Variants in MYO10 observed in about 807,000 individuals in gnomAD.
The protein encoded by MYO10 is unconventional myosin-X.
A neutral mutation model predicts 257.3 loss-of-function variants in MYO10; 133 were observed. The observed-to-expected ratio is 0.52, with a 90% CI of 0.45 to 0.60. The LOEUF (loss-of-function observed/expected upper bound fraction) is 0.60. Ranked by LOEUF, MYO10 falls within the 20% of genes least tolerant of loss-of-function variation. The pLI is 0.00. For synonymous variants in MYO10, 1,104 were observed against 1,028.6 expected (o/e 1.07, Z -1.40); for missense variants, 2,399 against 2,635.7 (o/e 0.91, Z 1.97).
chr5:16,681,074 A>C (rs866402125), intron 32 of MYO10, among the ~76,000 whole-genome samples: 26 of 152,340 alleles, frequency 1.7e-4, no homozygotes, highest in African/African-American at 6.3e-4. Flanking sequence ...GCATCTGTTG[A>C]CATTTTCTTG....
intron 2 of MYO10, among the ~76,000 whole-genome samples, chr5:16,842,041 C>T (rs1743497834): frequency 6.6e-6 from 1 of 152,006 alleles, no homozygotes; most frequent in Admixed American, 6.6e-5. Context: ...GGCAGTTCCA[C>T]ATAATAGGCA....
intron 19 of MYO10, among the ~76,000 whole-genome samples, chr5:16,729,391 A>G (rs980540592): frequency 6.6e-6 from 1 of 152,124 alleles, no homozygotes; most frequent in African/African-American, 2.4e-5. Flanking sequence ...ATAAAATCCA[A>G]ATATTTTTGT....
At chr5:16,772,937 G>C (rs1034738863) in intron 9 of MYO10, among the ~76,000 whole-genome samples, 2 of 152,156 alleles carry the variant, frequency 1.3e-5, no homozygotes, top group Non-Finnish European at 1.5e-5. Flanking sequence ...GATTGCCTGG[G>C]AAGGGGCACA....
chr5:16,760,601 T>A (rs1740681709), intron 17 of MYO10, among the ~76,000 whole-genome samples: 1 of 152,168 alleles, frequency 6.6e-6, no homozygotes, highest in African/African-American at 2.4e-5. Flanking sequence ...AACGAATAAA[T>A]GAATATGTAA....
At chr5:16,830,570 T>C (rs1330617284) in intron 2 of MYO10, among the ~76,000 whole-genome samples, 1 of 152,034 alleles carries the variant, frequency 6.6e-6, no homozygotes, top group Non-Finnish European at 1.5e-5. Flanking sequence ...CAGAAAACAA[T>C]CACTGTATAA....
At chr5:16,686,127 C>G (rs1044375859) in intron 28 of MYO10, among the ~76,000 whole-genome samples, 1 of 149,352 alleles carries the variant, frequency 6.7e-6, no homozygotes, top group Admixed American at 6.7e-5. Flanking sequence ...TGAATGAGTT[C>G]CTTGAGAAAT....
chr5:16,795,333 G>A (rs1259872988), intron 3 of MYO10, among the ~76,000 whole-genome samples: 1 of 152,232 alleles, frequency 6.6e-6, no homozygotes, highest in East Asian at 1.9e-4. Context: ...GCCGGGCCTG[G>A]TGGCTCATGC....
chr5:16,702,497 A>G, intron 24 of MYO10, 46 bp downstream of exon 24: 2 of 1,537,538 alleles, frequency 1.3e-6, no homozygotes, highest in Non-Finnish European at 1.8e-6. Flanking sequence ...TAGAAGTGGG[A>G]AGGAAGTAGA....
chr5:16,726,816 G>A lies in MYO10; in HGVS notation c.1930-15571C>T, dbSNP rs181608066. On this transcript the variant is annotated intron_variant, in intron 19 of 40. Transcript: ENST00000513610. ...GAGATGATACATTTAGTTAGAGTGA[G>A]GGCTTGTAAACCACAGCCTGCCAGC... 6.6e-3 allele frequency among the ~76,000 whole-genome samples: 998 copies of A among 152,282 alleles called. 13 individuals carry two copies. Among genetic ancestry groups the A allele is most frequent in the Non-Finnish European group, 6.6e-3 (447 of 68,032 alleles).
At chr5:16,811,704 C>G (rs1390363920) in intron 3 of MYO10, among the ~76,000 whole-genome samples, 2 of 152,156 alleles carry the variant, frequency 1.3e-5, no homozygotes, top group Non-Finnish European at 2.9e-5. Flanking sequence ...GGCACGCCAC[C>G]ACGGCTGGCT....
intron 2 of MYO10, among the ~76,000 whole-genome samples, chr5:16,839,540 C>G (rs998170633): frequency 6.6e-6 from 1 of 152,012 alleles, no homozygotes; most frequent in Non-Finnish European, 1.5e-5. Flanking sequence ...GCCAGGAGTT[C>G]GAGACCAGCC....
At chr5:16,731,447 G>A (rs1416439338) in intron 19 of MYO10, among the ~76,000 whole-genome samples, 3 of 151,738 alleles carry the variant, frequency 2.0e-5, no homozygotes, top group Non-Finnish European at 2.9e-5. Context: ...AGGTTCAAGC[G>A]ATTCTCCTGC....
intron 12 of MYO10, among the ~76,000 whole-genome samples, 177 bp from the exon 13 acceptor site, chr5:16,763,932 G>A (rs1010424370): frequency 2.6e-5 from 4 of 152,078 alleles, no homozygotes; most frequent in African/African-American, 7.2e-5. Context: ...ATCACCTGAG[G>A]TCGGGAGTCC....
rs562316852 is a variant in MYO10 at position 16,671,278 on chromosome 5, T to C, written c.5430+144A>G. On this transcript the variant is annotated intron_variant, in intron 38 of 40. Transcript: ENST00000513610. ...TAGCAGGTTTCATTCTACAAACGAATGAAAGAGCAGCTGGTCTTGTCTTTG... is the reference window on the plus strand; with the variant it reads ...TAGCAGGTTTCATTCTACAAACGAACGAAAGAGCAGCTGGTCTTGTCTTTG... 5.6e-6 allele frequency: 6 copies of C among 1,074,900 alleles called. No individual in the cohort carries two copies. In the African/African-American group the frequency reaches 9.6e-5, roughly 17 times the overall value. The allele number at this position is 1,074,900 out of a possible 1,614,324, so 66.6% of individuals were successfully genotyped here.
chr5:16,763,348 C>T, intron 14 of MYO10, 133 bp downstream of exon 14: 1 of 716,832 alleles, frequency 1.4e-6, no homozygotes, highest in Non-Finnish European at 2.4e-6. Flanking sequence ...TTTATGTTTC[C>T]AAATGGTCCA....
At chr5:16,918,270 G>A (rs548136786) in intron 1 of MYO10, among the ~76,000 whole-genome samples, 1 of 151,670 alleles carries the variant, frequency 6.6e-6, no homozygotes, top group East Asian at 1.9e-4. Flanking sequence ...CATCTACAAG[G>A]CAGATAGAAG....
chr5:16,669,222 CTTTT>C (rs11292604), intron 39 of MYO10, among the ~76,000 whole-genome samples: 1 of 148,968 alleles, frequency 6.7e-6, no homozygotes, highest in African/African-American at 2.5e-5. Flanking sequence ...TTTCTTTTTT[CTTTT>C]TTTTTTTGAC....
At chr5:16,703,976 C>T (rs556084679) in intron 22 of MYO10, among the ~76,000 whole-genome samples, 238 of 149,580 alleles carry the variant, frequency 1.6e-3, no homozygotes, top group African/African-American at 5.6e-3. Flanking sequence ...CCAAGGTGAA[C>T]AGCCAGGCCG....
chr5:16,844,449 T>C (rs1232437239), intron 2 of MYO10, among the ~76,000 whole-genome samples: 1 of 152,044 alleles, frequency 6.6e-6, no homozygotes, highest in African/African-American at 2.4e-5. Flanking sequence ...AAAGGGCAAA[T>C]AGTCATGAAA....
Sources: gnomAD v4.1 joint callset for allele counts (sites outside exome capture counted in the v4.1 genomes callset) on GRCh38, gnomAD v4.1.1 for gene constraint, MANE v1.5 for transcripts, NCBI Gene and HGNC (gene_info 2026-07-23, HGNC 2026-07-21) for gene names.